The following PRKAR1B variants were observed in gnomAD, a reference collection of about 807,000 sequenced individuals.
The protein encoded by PRKAR1B is protein kinase cAMP-dependent type I regulatory subunit beta, also known as cAMP-dependent protein kinase type I-beta regulatory subunit.
PRKAR1B carries 22 observed loss-of-function variants against 46.5 expected under a neutral mutation model. That is an observed-to-expected ratio of 0.47 (90% CI 0.34 to 0.68). The LOEUF (loss-of-function observed/expected upper bound fraction) is 0.68. Ranked by LOEUF, PRKAR1B falls within the 30% of genes least tolerant of loss-of-function variation. PRKAR1B has a pLI of 0.01. For missense variants in PRKAR1B, 445 were observed against 535.6 expected, an observed-to-expected ratio of 0.83 and a Z score of 1.67; for synonymous variants, 259 against 217.7, an observed-to-expected ratio of 1.19 and a Z score of -1.67.
At chr7:675,997 A>G (rs1786559749) in intron 4 of PRKAR1B, among the ~76,000 whole-genome samples, 1 of 151,428 alleles carries the variant, frequency 6.6e-6, no homozygotes, top group South Asian at 2.1e-4. Context: ...GCAGTAGGAA[A>G]ACAGCTAATT....
chr7:715,644 G>T (rs73256243), intron 1 of PRKAR1B, among the ~76,000 whole-genome samples: 20,809 of 152,018 alleles, frequency 0.14, 1,753 homozygotes, highest in East Asian at 0.29. Context: ...CATAGAATGT[G>T]CCTGTAGGAT....
chr7:576,311 G>A (rs1038116309), intron 9 of PRKAR1B, among the ~76,000 whole-genome samples: 3 of 152,196 alleles, frequency 2.0e-5, no homozygotes, highest in African/African-American at 7.2e-5. Flanking sequence ...CTTCAACGCT[G>A]GCCAGAATAA....
chr7:619,849 G>A (rs1783020465), intron 4 of PRKAR1B, among the ~76,000 whole-genome samples: 1 of 151,714 alleles, frequency 6.6e-6, no homozygotes, highest in Admixed American at 6.6e-5. Context: ...TTTGTTTTTT[G>A]TTTTGTTGTT....
intron 4 of PRKAR1B, among the ~76,000 whole-genome samples, chr7:649,560 C>CTTATTTAT (rs571392594): frequency 2.0e-5 from 3 of 151,800 alleles, no homozygotes; most frequent in Non-Finnish European, 2.9e-5. Context: ...TATGTAGCGC[C>CTTATTTAT]TTATTTATTT....
At position 578,515 on chromosome 7, in the gene PRKAR1B, C is replaced by T. The variant is rs141653977; in HGVS notation, c.891+741G>A. The stretch of plus-strand genomic sequence containing the variant: ...TTAGAAATAATATAGAGAGATCCTG[C>T]GTACCCTGAATGTATGCGATGTCCC... On this transcript the variant is annotated intron_variant, in intron 9 of 10. Coordinates refer to ENST00000537384, the MANE Select transcript of PRKAR1B (RefSeq NM_001164760.2). Among the ~76,000 whole-genome samples the T allele has an allele frequency of 6.5e-3, 986 of 152,258 alleles. 10 individuals are homozygous for T. Among genetic ancestry groups the T allele is most frequent in the Non-Finnish European group, 4.8e-3 (325 of 67,998 alleles).
intron 6 of PRKAR1B, among the ~76,000 whole-genome samples, chr7:605,906 CT>C (rs1435488489): frequency 6.6e-6 from 1 of 152,198 alleles, no homozygotes; most frequent in African/African-American, 2.4e-5. Flanking sequence ...CAGAACCGCC[CT>C]GGCCAGCCCC....
chr7:597,672 C>T (rs1781343023), intron 6 of PRKAR1B, among the ~76,000 whole-genome samples: 1 of 152,218 alleles, frequency 6.6e-6, no homozygotes, highest in Non-Finnish European at 1.5e-5. Context: ...GAACCTCTGC[C>T]TCTTGCTTCT....
At chr7:681,939 A>G (rs948929072) in intron 2 of PRKAR1B, among the ~76,000 whole-genome samples, 4 of 152,224 alleles carry the variant, frequency 2.6e-5, no homozygotes, top group Non-Finnish European at 5.9e-5. Flanking sequence ...TTAGGACCAG[A>G]GGCAGGGGGC....
chr7:680,528 C>T, intron 3 of PRKAR1B, 28 bp downstream of exon 3: 2 of 1,587,506 alleles, frequency 1.3e-6, no homozygotes, highest in East Asian at 4.5e-5. Context: ...GGCCTGGGGA[C>T]AGGAACCCCG....
chr7:675,609 T>G (rs779909311), intron 4 of PRKAR1B, among the ~76,000 whole-genome samples: 1 of 152,140 alleles, frequency 6.6e-6, no homozygotes, highest in African/African-American at 2.4e-5. Flanking sequence ...AACGAACAAG[T>G]ACTCCAAGAT....
intron 4 of PRKAR1B, among the ~76,000 whole-genome samples, chr7:648,705 CCAG>C (rs1275372784): frequency 1.3e-5 from 2 of 152,106 alleles, no homozygotes; most frequent in Non-Finnish European, 2.9e-5. Flanking sequence ...TCACTTGAAC[CCAG>C]AAGGCAGAGG....
chr7:706,910 G>C (rs775518258), intron 2 of PRKAR1B, among the ~76,000 whole-genome samples: 32 of 152,200 alleles, frequency 2.1e-4, no homozygotes, highest in Non-Finnish European at 4.1e-4. Flanking sequence ...TACAAGTGAA[G>C]AAAAATCCTC....
intron 8 of PRKAR1B, among the ~76,000 whole-genome samples, chr7:580,533 A>G (rs1435821041): frequency 6.6e-6 from 1 of 152,236 alleles, no homozygotes; most frequent in Non-Finnish European, 1.5e-5. Context: ...AAGGCACAGT[A>G]TACGTTCTAC....
chr7:589,118 C>T (rs1780838224), intron 7 of PRKAR1B, among the ~76,000 whole-genome samples: 1 of 138,996 alleles, frequency 7.2e-6, no homozygotes, highest in Non-Finnish European at 1.6e-5. Context: ...AAAGTCAGGA[C>T]ATTGCAATTC....
At chr7:651,134 A>G (rs1784882480) in intron 4 of PRKAR1B, among the ~76,000 whole-genome samples, 1 of 151,996 alleles carries the variant, frequency 6.6e-6, no homozygotes, top group Non-Finnish European at 1.5e-5. Flanking sequence ...TGCCAAATCT[A>G]CTCTGCCCTG....
intron 2 of PRKAR1B, among the ~76,000 whole-genome samples, chr7:698,340 A>C (rs1163996083): frequency 6.6e-6 from 1 of 152,200 alleles, no homozygotes; most frequent in Non-Finnish European, 1.5e-5. Context: ...GAGTGTACAC[A>C]GGAGGGTGTG....
chr7:638,031 G>A (rs924424684), intron 4 of PRKAR1B, among the ~76,000 whole-genome samples: 1 of 152,158 alleles, frequency 6.6e-6, no homozygotes, highest in Non-Finnish European at 1.5e-5. Flanking sequence ...ATCCTGCCCC[G>A]CCGGCGGAGA....
Position 667,672 on chromosome 7 carries a change from T to C in PRKAR1B, c.440+9557A>G, listed in dbSNP as rs543096793. Among the ~76,000 whole-genome samples the C allele has an allele frequency of 1.8e-4, 27 of 152,300 alleles. 1 individual carries two copies. Among genetic ancestry groups the C allele is most frequent in the African/African-American group, 6.5e-4 (27 of 41,564 alleles). Reference sequence around the variant, plus strand: ...GCGGCAGGTGCAGGTGATGTGTCCTTACAGGGGAGGGAGCACAGGCTTAGG... The same window carrying C: ...GCGGCAGGTGCAGGTGATGTGTCCTCACAGGGGAGGGAGCACAGGCTTAGG... On this transcript the variant is annotated intron_variant, in intron 4 of 10. Transcript: ENST00000537384. This position sits in a 1 kb window ranked among gnomAD's most constrained non-coding sequence, Gnocchi z 4.3.
intron 9 of PRKAR1B, among the ~76,000 whole-genome samples, chr7:563,774 T>C (rs1235287670): frequency 6.6e-6 from 1 of 151,724 alleles, no homozygotes; most frequent in Non-Finnish European, 1.5e-5. Context: ...TGTGCATGCA[T>C]GTCTGTATGT....
Sources: allele counts gnomAD v4.1 joint callset (sites outside exome capture counted in the v4.1 genomes callset), GRCh38; gene constraint gnomAD v4.1.1; non-coding constraint Gnocchi (gnomAD v3.1); transcripts MANE v1.5; gene names NCBI Gene and HGNC (gene_info 2026-07-23, HGNC 2026-07-21).